Variants in CDKAL1 observed in about 807,000 individuals in gnomAD.
CDKAL1 encodes CDKAL1 threonylcarbamoyladenosine tRNA methylthiotransferase.
In CDKAL1, 32 loss-of-function variants were observed where a neutral mutation model predicts 68.2. The observed-to-expected ratio is 0.47, with a 90% CI of 0.35 to 0.63. The LOEUF (loss-of-function observed/expected upper bound fraction) is 0.63. Ranked by LOEUF, CDKAL1 falls within the 30% of genes least tolerant of loss-of-function variation. The pLI is 0.00. For missense variants in CDKAL1, 606 were observed against 696.7 expected, an observed-to-expected ratio of 0.87 and a Z score of 1.47; for synonymous variants, 234 against 244.3, an observed-to-expected ratio of 0.96 and a Z score of 0.39.
chr6:21,214,882 AATG>A (rs1779287582), intron 15 of CDKAL1, among the ~76,000 whole-genome samples: 1 of 151,142 alleles, frequency 6.6e-6, no homozygotes, highest in South Asian at 2.1e-4. Context: ...TGGATGAATG[AATG>A]AATGAATGAA....
At chr6:21,101,600 A>G (rs1481804039) in intron 12 of CDKAL1, among the ~76,000 whole-genome samples, 1 of 152,138 alleles carries the variant, frequency 6.6e-6, no homozygotes, top group Non-Finnish European at 1.5e-5. Flanking sequence ...GCTTTAAATT[A>G]CACCAATATG....
At chr6:20,879,666 A>G (rs1213873067) in intron 9 of CDKAL1, among the ~76,000 whole-genome samples, 1 of 152,070 alleles carries the variant, frequency 6.6e-6, no homozygotes, top group Non-Finnish European at 1.5e-5. Flanking sequence ...TCCTTGCTGG[A>G]TTTCCTGCAT....
intron 9 of CDKAL1, among the ~76,000 whole-genome samples, chr6:20,916,415 C>T (rs1762726100): frequency 6.6e-6 from 1 of 152,130 alleles, no homozygotes; most frequent in Non-Finnish European, 1.5e-5. Context: ...GAAAAATCTA[C>T]AGATGTTAGA....
intron 4 of CDKAL1, among the ~76,000 whole-genome samples, chr6:20,589,575 T>C (rs1435704001): frequency 2.0e-5 from 3 of 152,236 alleles, no homozygotes; most frequent in Admixed American, 2.0e-4. Context: ...ATACTTCTTG[T>C]TTGATTAGAA....
At chr6:20,790,872 G>A (rs1775870930) in intron 8 of CDKAL1, among the ~76,000 whole-genome samples, 1 of 152,154 alleles carries the variant, frequency 6.6e-6, no homozygotes, top group Admixed American at 6.5e-5. Context: ...ATGCTGATTG[G>A]TTTGTGAGTA....
intron 9 of CDKAL1, among the ~76,000 whole-genome samples, chr6:20,853,389 A>C (rs1759131966): frequency 3.8e-5 from 2 of 53,320 alleles, no homozygotes; most frequent in South Asian, 1.2e-3. Context: ...CAAAAAACAA[A>C]ACAAAAAAAA....
At chr6:21,039,397 G>T (rs1470497083) in intron 11 of CDKAL1, among the ~76,000 whole-genome samples, 1 of 152,154 alleles carries the variant, frequency 6.6e-6, no homozygotes, top group Non-Finnish European at 1.5e-5. Context: ...CTTAACACAT[G>T]ATGACATTGA....
At chr6:20,590,992 A>G (rs1017577761) in intron 4 of CDKAL1, among the ~76,000 whole-genome samples, 2 of 152,084 alleles carry the variant, frequency 1.3e-5, no homozygotes, top group Admixed American at 1.3e-4. Flanking sequence ...AAGCGTTCCT[A>G]TTTCTCGACA....
At chr6:20,760,847 G>A (rs1431090703) in intron 7 of CDKAL1, among the ~76,000 whole-genome samples, 3 of 151,862 alleles carry the variant, frequency 2.0e-5, no homozygotes, top group Non-Finnish European at 4.4e-5. Context: ...ATCTTGATGT[G>A]GCGTGATTGT....
chr6:21,215,685 T>C (rs1003425557), intron 15 of CDKAL1, among the ~76,000 whole-genome samples: 1 of 152,128 alleles, frequency 6.6e-6, no homozygotes, highest in African/African-American at 2.4e-5. Context: ...CATAGTCTTT[T>C]CTATGAGGAA....
intron 8 of CDKAL1, among the ~76,000 whole-genome samples, chr6:20,813,691 T>G (rs1043998822): frequency 9.2e-5 from 14 of 152,198 alleles, no homozygotes; most frequent in Non-Finnish European, 1.5e-4. Flanking sequence ...CAGCACCATT[T>G]GTTGAAAGAT....
intron 13 of CDKAL1, among the ~76,000 whole-genome samples, chr6:21,131,792 T>C (rs1422610885): frequency 2.0e-5 from 3 of 149,710 alleles, no homozygotes; most frequent in Non-Finnish European, 4.5e-5. Flanking sequence ...TGAAATGTTT[T>C]TATTTTAAAA....
At chr6:21,210,253 T>C (rs546387785) in intron 15 of CDKAL1, among the ~76,000 whole-genome samples, 50 of 152,296 alleles carry the variant, frequency 3.3e-4, no homozygotes, top group African/African-American at 1.1e-3. Context: ...TGTGCTGCTG[T>C]GGTCTGAATG....
intron 8 of CDKAL1, among the ~76,000 whole-genome samples, chr6:20,832,177 C>CAAT (rs908982080): frequency 1.3e-5 from 2 of 152,074 alleles, no homozygotes; most frequent in Non-Finnish European, 2.9e-5. Context: ...TAAACATAAA[C>CAAT]AGCAAGTAAT....
chr6:20,573,176 A>G (rs1332391752), intron 4 of CDKAL1, among the ~76,000 whole-genome samples: 4 of 151,932 alleles, frequency 2.6e-5, no homozygotes, highest in Non-Finnish European at 4.4e-5. Context: ...AGTATCTGAG[A>G]TCTGTTTTTT....
intron 8 of CDKAL1, among the ~76,000 whole-genome samples, chr6:20,811,269 G>T (rs1444504526): frequency 6.6e-6 from 1 of 152,130 alleles, no homozygotes; most frequent in African/African-American, 2.4e-5. Flanking sequence ...TTCTCCATCC[G>T]GGGCAATTCT....
chr6:20,596,427 C>T (rs1765826915), intron 4 of CDKAL1, among the ~76,000 whole-genome samples: 1 of 152,178 alleles, frequency 6.6e-6, no homozygotes, highest in Non-Finnish European at 1.5e-5. Flanking sequence ...TGGGCTCTGC[C>T]CAGTTCAAAC....
intron 4 of CDKAL1, among the ~76,000 whole-genome samples, chr6:20,642,160 G>A (rs1768208345): frequency 2.0e-5 from 3 of 152,102 alleles, no homozygotes; most frequent in Non-Finnish European, 4.4e-5. Context: ...AACCATATGT[G>A]TATTAGAAGA....
At chr6:21,197,914 A>G in intron 13 of CDKAL1, 107 bp from the exon 14 acceptor site, 1 of 561,444 alleles carries the variant, frequency 1.8e-6, no homozygotes, top group Non-Finnish European at 3.1e-6. Flanking sequence ...AAATTCAAGA[A>G]GACGCTACTT....
Sources: allele counts gnomAD v4.1 joint callset (sites outside exome capture counted in the v4.1 genomes callset), GRCh38; gene constraint gnomAD v4.1.1; transcripts MANE v1.5; gene names NCBI Gene and HGNC (gene_info 2026-07-23, HGNC 2026-07-21).